The following ANGPT1 variants were observed in gnomAD, a reference collection of about 807,000 sequenced individuals.
ANGPT1 encodes angiopoietin-1.
ANGPT1 carries 17 observed loss-of-function variants against 62.2 expected under a neutral mutation model. The observed-to-expected ratio is 0.27, with a 90% CI of 0.19 to 0.41. ANGPT1 has a LOEUF of 0.41. ANGPT1 is among the 10% of genes least tolerant of loss of function. The probability of loss-of-function intolerance (pLI) is 1.00; values close to 1 mark genes in which losing one functional copy is unlikely to be tolerated. For synonymous variants in ANGPT1, 199 were observed against 198.9 expected (o/e 1.00, Z 0.00); for missense variants, 478 against 594.9 (o/e 0.80, Z 2.04).
chr8:107,319,178 C>T (rs1227841939), intron 4 of ANGPT1, among the ~76,000 whole-genome samples: 1 of 152,174 alleles, frequency 6.6e-6, no homozygotes, highest in Non-Finnish European at 1.5e-5. Context: ...TAATGTAATT[C>T]TTTCCCTATT....
intron 4 of ANGPT1, among the ~76,000 whole-genome samples, chr8:107,307,530 A>T (rs1586208237): frequency 1.3e-5 from 2 of 150,148 alleles, no homozygotes; most frequent in Non-Finnish European, 3.0e-5. Flanking sequence ...TGTCTCCTCC[A>T]CTCCCTTCCT....
chr8:107,493,197 A>T lies in ANGPT1; in HGVS notation c.297+4065T>A, dbSNP rs1189661119. Among the ~76,000 whole-genome samples, 4 of 150,604 alleles carry T rather than the reference A, an allele frequency of 2.7e-5. 1 individual carries two copies. The highest frequency in any genetic ancestry group is 5.9e-5 in the Non-Finnish European group (4 of 67,754). ...TCAGAGGTATAAAAATGGATAAGCG[A>T]CATTTACTACACTTGAGGAACTCAC... On this transcript the variant is annotated intron_variant, in intron 1 of 8. Coordinates refer to ENST00000517746, the MANE Select transcript of ANGPT1 (RefSeq NM_001146.5).
At chr8:107,425,366 C>A (rs920208010) in intron 1 of ANGPT1, among the ~76,000 whole-genome samples, 1 of 151,986 alleles carries the variant, frequency 6.6e-6, no homozygotes, top group Non-Finnish European at 1.5e-5. Flanking sequence ...CAACCCTGGG[C>A]AAGACAGTAG....
intron 1 of ANGPT1, among the ~76,000 whole-genome samples, chr8:107,428,970 A>G (rs1811108477): frequency 6.6e-6 from 1 of 152,228 alleles, no homozygotes; most frequent in African/African-American, 2.4e-5. Context: ...ATACACTAGG[A>G]ACAATTCTTT....
At chr8:107,272,908 G>A (rs1291594535) in intron 7 of ANGPT1, among the ~76,000 whole-genome samples, 4 of 147,834 alleles carry the variant, frequency 2.7e-5, no homozygotes, top group Non-Finnish European at 5.9e-5. Flanking sequence ...AAAAAACTGA[G>A]TGCCAAAATG....
chr8:107,277,006 T>C (rs1272363283), intron 7 of ANGPT1, among the ~76,000 whole-genome samples: 1 of 152,206 alleles, frequency 6.6e-6, no homozygotes, highest in Non-Finnish European at 1.5e-5. Context: ...ATGTCATTTA[T>C]CCTCAATAAA....
intron 5 of ANGPT1, among the ~76,000 whole-genome samples, chr8:107,300,030 TCTAG>T (rs1287035541): frequency 7.0e-6 from 1 of 142,802 alleles, no homozygotes; most frequent in African/African-American, 2.5e-5. Flanking sequence ...TGTAGTTATA[TCTAG>T]ATATAACTAT....
At chr8:107,334,443 T>A (rs550529913) in intron 3 of ANGPT1, among the ~76,000 whole-genome samples, 2 of 152,304 alleles carry the variant, frequency 1.3e-5, no homozygotes, top group East Asian at 3.9e-4. Context: ...ATGACAGAAC[T>A]TTTTGTGAAA....
At chr8:107,386,966 A>G (rs1178650317) in intron 1 of ANGPT1, among the ~76,000 whole-genome samples, 1 of 152,072 alleles carries the variant, frequency 6.6e-6, no homozygotes, top group East Asian at 1.9e-4. Context: ...AAGTTATTAG[A>G]CACAAACTAT....
chr8:107,320,695 C>T (rs1815129809), intron 4 of ANGPT1, among the ~76,000 whole-genome samples: 1 of 152,084 alleles, frequency 6.6e-6, no homozygotes, highest in Non-Finnish European at 1.5e-5. Flanking sequence ...AAAAATATTA[C>T]TTTACAAAGC....
At chr8:107,455,879 T>C (rs1311656306) in intron 1 of ANGPT1, among the ~76,000 whole-genome samples, 1 of 152,000 alleles carries the variant, frequency 6.6e-6, no homozygotes, top group Non-Finnish European at 1.5e-5. Context: ...TTTTCAAGCA[T>C]GGCAACAGCC....
At chr8:107,481,726 C>G (rs965857775) in intron 1 of ANGPT1, among the ~76,000 whole-genome samples, 2 of 152,064 alleles carry the variant, frequency 1.3e-5, no homozygotes, top group Admixed American at 6.6e-5. Flanking sequence ...CAGAAGGCAT[C>G]TCTTCACAGG....
At chr8:107,360,529 CA>C (rs1182100086) in intron 1 of ANGPT1, among the ~76,000 whole-genome samples, 1 of 152,146 alleles carries the variant, frequency 6.6e-6, no homozygotes, top group African/African-American at 2.4e-5. Context: ...TGCCCAAGTT[CA>C]AACAGCCAAA....
chr8:107,257,581 T>C (rs1442002036), intron 8 of ANGPT1, among the ~76,000 whole-genome samples: 1 of 152,166 alleles, frequency 6.6e-6, no homozygotes, highest in East Asian at 1.9e-4. Context: ...TTTTGTTCGT[T>C]TTCAATGCAT....
At chr8:107,382,719 C>T (rs1220995078) in intron 1 of ANGPT1, among the ~76,000 whole-genome samples, 3 of 152,026 alleles carry the variant, frequency 2.0e-5, no homozygotes, top group Non-Finnish European at 2.9e-5. Flanking sequence ...TAGGAGACAA[C>T]TTAGAAATTC....
At chr8:107,475,686 T>A (rs1037819275) in intron 1 of ANGPT1, among the ~76,000 whole-genome samples, 1 of 152,208 alleles carries the variant, frequency 6.6e-6, no homozygotes, top group Admixed American at 6.5e-5. Flanking sequence ...AATTTACTCA[T>A]CTGACAAAGG....
intron 1 of ANGPT1, among the ~76,000 whole-genome samples, chr8:107,405,635 T>C (rs904395351): frequency 5.9e-5 from 9 of 151,990 alleles, no homozygotes; most frequent in African/African-American, 2.2e-4. Context: ...GGTGTATGAT[T>C]ATATATATGC....
chr8:107,329,135 TTA>T lies in ANGPT1; in HGVS notation c.576-7009_576-7008del, dbSNP rs533087467. 5.2e-4 allele frequency among the ~76,000 whole-genome samples: 79 copies of T among 152,192 alleles called. No homozygotes were observed. The East Asian group carries it at 9.1e-3, about 17-fold the overall frequency. On this transcript the variant is annotated intron_variant, in intron 3 of 8. Transcript: ENST00000517746. ...AACAAGTACTTGTGCATGTGTGCAA[TTA>T]TATATGAGTGTACATCTGTGTAAAC...
At chr8:107,406,578 A>G (rs1394468139) in intron 1 of ANGPT1, among the ~76,000 whole-genome samples, 3 of 152,050 alleles carry the variant, frequency 2.0e-5, no homozygotes, top group Non-Finnish European at 4.4e-5. Flanking sequence ...GAAAGTTTAA[A>G]GTACCTGAAT....
Sources: gnomAD v4.1 joint callset for allele counts (sites outside exome capture counted in the v4.1 genomes callset) on GRCh38, gnomAD v4.1.1 for gene constraint, MANE v1.5 for transcripts, NCBI Gene and HGNC (gene_info 2026-07-23, HGNC 2026-07-21) for gene names.